Variants in GALNT13 observed in about 807,000 individuals in gnomAD.
GALNT13 encodes the protein polypeptide N-acetylgalactosaminyltransferase 13, also known as UDP-GalNAc:polypeptide N-acetylgalactosaminyltransferase 13.
A neutral mutation model predicts 64.2 loss-of-function variants in GALNT13; 28 were observed. That is an observed-to-expected ratio of 0.44 (90% CI 0.32 to 0.60). The LOEUF (loss-of-function observed/expected upper bound fraction) is 0.60. GALNT13 is among the 20% of genes least tolerant of loss of function. The pLI is 0.05. For synonymous variants in GALNT13, 214 were observed against 224.6 expected, an observed-to-expected ratio of 0.95 and a Z score of 0.42; for missense variants, 577 against 669.8, an observed-to-expected ratio of 0.86 and a Z score of 1.53.
intron 3 of GALNT13, among the ~76,000 whole-genome samples, chr2:154,125,228 G>A (rs1180805917): frequency 6.6e-6 from 1 of 152,162 alleles, no homozygotes; most frequent in Non-Finnish European, 1.5e-5. Flanking sequence ...ACTGGTCATT[G>A]AAATTTTCTA....
chr2:154,226,620 A>C (rs933872029), intron 4 of GALNT13, among the ~76,000 whole-genome samples: 1 of 152,282 alleles, frequency 6.6e-6, no homozygotes, highest in African/African-American at 2.4e-5. Context: ...CCTTGCGATT[A>C]CTATTTAATA....
chr2:154,424,787 A>G (rs181379562), intron 11 of GALNT13, among the ~76,000 whole-genome samples: 2 of 152,152 alleles, frequency 1.3e-5, no homozygotes, highest in African/African-American at 4.8e-5. Context: ...CCCTACCACC[A>G]TACTTGTCTT....
the GALNT13 span, among the ~76,000 whole-genome samples, chr2:153,350,286 A>C: frequency 1.3e-5 from 2 of 152,144 alleles, no homozygotes; most frequent in Non-Finnish European, 2.9e-5. Context: ...CATACCTCAC[A>C]ATTCATCTTT....
chr2:154,061,775 T>C (rs1013254626), intron 3 of GALNT13, among the ~76,000 whole-genome samples: 3 of 152,152 alleles, frequency 2.0e-5, no homozygotes, highest in Non-Finnish European at 4.4e-5. Flanking sequence ...TGGCTTTATG[T>C]TTGTTTTTAG....
the GALNT13 span, among the ~76,000 whole-genome samples, chr2:153,297,013 G>A: frequency 1.3e-5 from 2 of 152,152 alleles, no homozygotes; most frequent in Non-Finnish European, 2.9e-5. Flanking sequence ...GAATGGAAGA[G>A]AGTATATTCC....
At chr2:154,007,622 CT>C (rs1444520458) in intron 3 of GALNT13, among the ~76,000 whole-genome samples, 1 of 151,870 alleles carries the variant, frequency 6.6e-6, no homozygotes, top group Non-Finnish European at 1.5e-5. Context: ...GTTCACCAAA[CT>C]CTCAAAAATT....
At chr2:153,590,332 GA>G in the GALNT13 span, among the ~76,000 whole-genome samples, 1 of 152,066 alleles carries the variant, frequency 6.6e-6, no homozygotes, top group South Asian at 2.1e-4. Flanking sequence ...TAGTGAGATT[GA>G]ATTAGTAATA....
At chr2:153,626,875 A>G in the GALNT13 span, among the ~76,000 whole-genome samples, 14 of 152,250 alleles carry the variant, frequency 9.2e-5, no homozygotes, top group Middle Eastern at 3.4e-3. Context: ...GTTTGAATTC[A>G]AAGAATACTT....
intron 12 of GALNT13, among the ~76,000 whole-genome samples, chr2:154,439,314 C>T (rs552458289): frequency 1.0e-3 from 159 of 152,170 alleles, no homozygotes; most frequent in African/African-American, 3.7e-3. Context: ...AAATTTATCT[C>T]CAGGCAGTGT....
At chr2:153,659,345 C>T in the GALNT13 span, among the ~76,000 whole-genome samples, 1 of 152,012 alleles carries the variant, frequency 6.6e-6, no homozygotes, top group African/African-American at 2.4e-5. Context: ...TCATTTCAAC[C>T]AACATATATT....
At chr2:154,062,688 C>T (rs557564720) in intron 3 of GALNT13, among the ~76,000 whole-genome samples, 31 of 152,302 alleles carry the variant, frequency 2.0e-4, no homozygotes, top group African/African-American at 7.0e-4. Context: ...ATCTAATCAC[C>T]TCCCACCAGG....
intron 9 of GALNT13, among the ~76,000 whole-genome samples, chr2:154,374,018 G>C (rs1697841220): frequency 2.6e-5 from 4 of 152,144 alleles, no homozygotes. Context: ...CTTCAGACTT[G>C]TCAACTGAGA....
chr2:154,344,689 C>G (rs1020360592), intron 9 of GALNT13, among the ~76,000 whole-genome samples: 1 of 151,940 alleles, frequency 6.6e-6, no homozygotes, highest in Non-Finnish European at 1.5e-5. Flanking sequence ...TACAATCTTG[C>G]AATACTACCA....
At chr2:153,391,358 G>T in the GALNT13 span, among the ~76,000 whole-genome samples, 1 of 151,986 alleles carries the variant, frequency 6.6e-6, no homozygotes, top group African/African-American at 2.4e-5. Context: ...CACTGTAGAT[G>T]GGGGTACAGT....
intron 9 of GALNT13, among the ~76,000 whole-genome samples, chr2:154,303,389 C>T (rs1337735674): frequency 2.0e-5 from 3 of 152,074 alleles, no homozygotes; most frequent in Non-Finnish European, 4.4e-5. Context: ...ATAGACTTTC[C>T]ACTCCACTGG....
the GALNT13 span, among the ~76,000 whole-genome samples, chr2:153,583,716 C>G: frequency 6.6e-6 from 1 of 152,184 alleles, no homozygotes; most frequent in Non-Finnish European, 1.5e-5. Flanking sequence ...GAGACCCCAG[C>G]AACTACTATA....
chr2:153,081,372 A>G, the GALNT13 span, among the ~76,000 whole-genome samples: 1 of 152,124 alleles, frequency 6.6e-6, no homozygotes, highest in Non-Finnish European at 1.5e-5. Flanking sequence ...AAACAATACA[A>G]TTACACTCTT....
Position 154,259,155 on chromosome 2 carries a change from T to G in GALNT13, c.975+17T>G. 7.4e-7 allele frequency: 1 copy of G among 1,345,902 alleles called. No individual in the cohort carries two copies. Among genetic ancestry groups the G allele is most frequent in the East Asian group, 2.3e-5 (1 of 43,462 alleles). The allele number at this position is 1,345,902 out of a possible 1,614,324, so 83.4% of individuals were successfully genotyped here. A position where few individuals can be genotyped will look rare whatever the true frequency, so the allele number is the denominator to read the frequency against. On this transcript the variant is annotated intron_variant, in intron 8 of 12. Transcript: ENST00000392825. ...TCTTTTAGGGTAATTGCATTTTATT[T>G]TATTTTTTGATGCTGAACATACAAT...
chr2:154,295,348 T>TTTATTTATTTA (rs1553510428), intron 8 of GALNT13, among the ~76,000 whole-genome samples: 2 of 142,258 alleles, frequency 1.4e-5, no homozygotes, highest in South Asian at 2.3e-4. Flanking sequence ...ATTCTTTTTA[T>TTTATTTATTTA]TTTATTTATT....
Sources: allele counts gnomAD v4.1 joint callset (sites outside exome capture counted in the v4.1 genomes callset), GRCh38; gene constraint gnomAD v4.1.1; transcripts MANE v1.5; gene names NCBI Gene and HGNC (gene_info 2026-07-23, HGNC 2026-07-21).